HELZ: variants seen among roughly 807,000 people sequenced by gnomAD.
The protein encoded by HELZ is helicase with zinc finger.
Under a neutral mutation model 218.2 loss-of-function variants are expected in HELZ, and 23 were observed. The ratio of observed to expected loss-of-function variants is 0.11; its 90% CI spans 0.08 to 0.15. The LOEUF (loss-of-function observed/expected upper bound fraction) is 0.15, where lower values mean the gene tolerates loss of function less well. HELZ is among the 10% of genes least tolerant of loss of function. The probability of loss-of-function intolerance (pLI) is 1.00; values close to 1 mark genes in which losing one functional copy is unlikely to be tolerated. For synonymous variants in HELZ, 814 were observed against 829.4 expected, an observed-to-expected ratio of 0.98 and a Z score of 0.32; for missense variants, 1,813 against 2,353.7, an observed-to-expected ratio of 0.77 and a Z score of 4.75.
In HELZ at chr17:67,188,714, C is replaced by A; in HGVS notation, c.865-98G>T. 1 of 892,816 alleles carries A rather than the reference C, an allele frequency of 1.1e-6. No homozygotes were observed. Among genetic ancestry groups the A allele is most frequent in the Non-Finnish European group, 1.7e-6 (1 of 586,462 alleles). The allele number at this position is 892,816 out of a possible 1,614,324, so 55.3% of individuals were successfully genotyped here. The stretch of plus-strand genomic sequence containing the variant: ...AAAATATTTCCATAAGGGACTTTTA[C>A]TTCCCCAAGCTTCTAAGATACTATA... On this transcript the variant is annotated intron_variant, in intron 11 of 32. Coordinates refer to ENST00000358691, the MANE Select transcript of HELZ (RefSeq NM_014877.4). This position sits in a 1 kb window ranked among gnomAD's most constrained non-coding sequence, Gnocchi z 4.1.
At chr17:67,191,932 A>G (rs927283132) in intron 9 of HELZ, among the ~76,000 whole-genome samples, 1 of 151,900 alleles carries the variant, frequency 6.6e-6, no homozygotes, top group Admixed American at 6.6e-5. Context: ...GGCCGGGCAC[A>G]GTGGCTCACG....
At position 67,075,468 on chromosome 17, in the gene HELZ, G is replaced by A. The variant is rs915274623; in HGVS notation, c.*2784C>T. On this transcript the variant is annotated 3_prime_UTR_variant, in exon 33 of 33. Transcript: ENST00000358691. ...CTATACATATATATGCATATATAAG[G>A]GTTGAACCTAGCATATAAGTTATGT... 1 of 151,990 alleles carries A rather than the reference G, an allele frequency of 6.6e-6. No homozygotes were observed. The highest frequency in any genetic ancestry group is 2.4e-5 in the African/African-American group (1 of 41,384). 9.4% of individuals were successfully genotyped at this position (151,990 alleles called of 1,614,324 possible). A position where few individuals can be genotyped will look rare whatever the true frequency, so the allele number is the denominator to read the frequency against.
In HELZ at chr17:67,086,694, A is replaced by G. The variant is rs1304346279; in HGVS notation, c.5494+135T>C. 3 of 595,394 alleles carry G rather than the reference A, an allele frequency of 5.0e-6. No homozygotes were observed. The East Asian group carries it at 9.5e-5, about 19-fold the overall frequency. 36.9% of individuals were successfully genotyped at this position (595,394 alleles called of 1,614,324 possible). On this transcript the variant is annotated intron_variant, in intron 32 of 32. Coordinates refer to ENST00000358691, the MANE Select transcript of HELZ (RefSeq NM_014877.4). The stretch of plus-strand genomic sequence containing the variant: ...CAATATAGTCCTAAATTGCACACCT[A>G]TGAGCTATTAGCATCATTAAATATT...
chr17:67,198,386 A>G (rs1228832858), intron 7 of HELZ, among the ~76,000 whole-genome samples: 1 of 152,214 alleles, frequency 6.6e-6, no homozygotes, highest in Non-Finnish European at 1.5e-5. Flanking sequence ...CTCAGCAGAG[A>G]ACTGGTAAAG....
chr17:67,188,271 T>C lies in HELZ; in HGVS notation c.1162+48A>G, dbSNP rs1487017860. 20 of 1,511,470 alleles carry C rather than the reference T, an allele frequency of 1.3e-5. No homozygotes were observed. The highest frequency in any genetic ancestry group is 1.8e-5 in the Non-Finnish European group (20 of 1,108,700). The allele number at this position is 1,511,470 out of a possible 1,614,324, so 93.6% of individuals were successfully genotyped here. A position where few individuals can be genotyped will look rare whatever the true frequency, so the allele number is the denominator to read the frequency against. On this transcript the variant is annotated intron_variant, in intron 12 of 32. Transcript: ENST00000358691. This position sits in a 1 kb window ranked among gnomAD's most constrained non-coding sequence, Gnocchi z 4.1. ...TCAGGGGCCAATACATATCTTTGAA[T>C]GTTGCTTTTTAACACATTGTATCGG...
At chr17:67,213,964 G>A (rs192962128) in intron 5 of HELZ, among the ~76,000 whole-genome samples, 12 of 152,242 alleles carry the variant, frequency 7.9e-5, no homozygotes, top group Admixed American at 3.9e-4. Context: ...AAAACTCTAC[G>A]TATTATAAGC....
chr17:67,148,356 G>GT (rs1169685299), intron 20 of HELZ, among the ~76,000 whole-genome samples: 13 of 152,278 alleles, frequency 8.5e-5, no homozygotes, highest in African/African-American at 2.4e-4. Context: ...TGATTTCAGA[G>GT]TTTTTCCCAA....
At chr17:67,217,958 G>C (rs376478416) in intron 4 of HELZ, among the ~76,000 whole-genome samples, 3 of 146,666 alleles carry the variant, frequency 2.0e-5, no homozygotes, top group East Asian at 4.0e-4. Context: ...ACGGAGTCTC[G>C]GAGTCTCGCC....
rs755397119 is a variant in HELZ at position 67,218,820 on chromosome 17, A to G, written c.-16T>C. ...TGTCTTCCATGACTCAGGGACAAAAATCCTACAGACAGGGAGAAAGAACAA... is the reference window on the plus strand; with the variant it reads ...TGTCTTCCATGACTCAGGGACAAAAGTCCTACAGACAGGGAGAAAGAACAA... On this transcript the variant is annotated splice_region_variant and 5_prime_UTR_variant, in exon 4 of 33. Transcript: ENST00000358691. 1 of 1,610,374 alleles carries G rather than the reference A, an allele frequency of 6.2e-7. No homozygotes were observed. Among genetic ancestry groups the G allele is most frequent in the African/African-American group, 1.3e-5 (1 of 74,864 alleles).
Position 67,160,307 on chromosome 17 carries a change from A to G in HELZ, c.2131T>C (p.Leu711=), listed in dbSNP as rs768518134. ...SAADLYIKDY[L]HPYVEAGNPQ... The stretch of plus-strand genomic sequence containing the variant: ...TTGCCTGCTTCTACATATGGATGTA[A>G]ATAATCCTTTATGTAGAGATCAGCA... Residue 711 remains leucine, a synonymous_variant, in exon 17 of 33, where the codon TTA becomes CTA. Coordinates refer to ENST00000358691, the MANE Select transcript of HELZ (RefSeq NM_014877.4). The G allele has an allele frequency of 6.2e-7, 1 of 1,612,942 alleles. No homozygotes were observed. Among genetic ancestry groups the G allele is most frequent in the Admixed American group, 1.7e-5 (1 of 60,010 alleles).
In HELZ at chr17:67,077,719, C is replaced by CA. The variant is rs57572316; in HGVS notation, c.*532dup. On this transcript the variant is annotated 3_prime_UTR_variant, in exon 33 of 33. Coordinates refer to ENST00000358691, the MANE Select transcript of HELZ (RefSeq NM_014877.4). ...GTTTTAGAATGCAGCATCGTGTCAC[C>CA]AAAAAAAAAAAAAAAGCTGATAAAA... The CA allele has an allele frequency of 0.33, 43,836 of 131,778 alleles. 7,735 individuals are homozygous for CA. Among genetic ancestry groups the CA allele is most frequent in the East Asian group, 0.69 (3,306 of 4,786 alleles). The allele number at this position is 131,778 out of a possible 1,614,324, so 8.2% of individuals were successfully genotyped here.
intron 13 of HELZ, among the ~76,000 whole-genome samples, chr17:67,176,981 CTT>C (rs113989752): frequency 1.3e-3 from 187 of 142,818 alleles, no homozygotes; most frequent in African/African-American, 2.2e-3. Context: ...TTCAGTTTCT[CTT>C]TTTTTTTTTT....
rs1173054432 is a variant in HELZ at position 67,197,977 on chromosome 17, TA to T, written c.430-2508del. On this transcript the variant is annotated intron_variant, in intron 7 of 32. Transcript: ENST00000358691. The stretch of plus-strand genomic sequence containing the variant: ...TAGCATTCTACGCTGCAAAAAAAAT[TA>T]AAAAAAAGCCATTAAAAGATCTCTT... 2.6e-5 allele frequency among the ~76,000 whole-genome samples: 4 copies of T among 151,860 alleles called. No homozygotes were observed. In the South Asian group the frequency reaches 6.2e-4, roughly 24 times the overall value.
At chr17:67,167,031 T>C (rs931483762) in intron 14 of HELZ, among the ~76,000 whole-genome samples, 3 of 152,190 alleles carry the variant, frequency 2.0e-5, no homozygotes, top group African/African-American at 7.2e-5. Context: ...TTACAATTAA[T>C]AAATAATGTT....
At chr17:67,098,232 C>T (rs1324307452) in intron 31 of HELZ, among the ~76,000 whole-genome samples, 1 of 152,114 alleles carries the variant, frequency 6.6e-6, no homozygotes, top group Non-Finnish European at 1.5e-5. Context: ...GCTTCAGAAA[C>T]AGCATGGGAC....
In HELZ at chr17:67,215,981, C is replaced by A. The variant is rs1418949693; in HGVS notation, c.211-46G>T. The A allele has an allele frequency of 4.6e-6, 5 of 1,093,796 alleles. No individual in the cohort carries two copies. In the East Asian group the frequency reaches 1.2e-4, roughly 26 times the overall value. 67.8% of individuals were successfully genotyped at this position (1,093,796 alleles called of 1,614,324 possible). A position where few individuals can be genotyped will look rare whatever the true frequency, so the allele number is the denominator to read the frequency against. On this transcript the variant is annotated intron_variant, in intron 4 of 32. Coordinates refer to ENST00000358691, the MANE Select transcript of HELZ (RefSeq NM_014877.4). ...ATAAAATTAAGTATTTCAAGAGCTG[C>A]TTTTAACAGAGATGTTGTCAAAGGG...
chr17:67,095,807 G>C (rs1026480302), intron 31 of HELZ, among the ~76,000 whole-genome samples: 2 of 152,252 alleles, frequency 1.3e-5, no homozygotes, highest in South Asian at 4.1e-4. Flanking sequence ...TAGCAATACA[G>C]TATATATTTT....
intron 13 of HELZ, among the ~76,000 whole-genome samples, chr17:67,172,112 T>C (rs1418032604): frequency 1.3e-5 from 2 of 152,146 alleles, no homozygotes; most frequent in Non-Finnish European, 2.9e-5. Flanking sequence ...GGACTACAGG[T>C]GTGAGCCACC....
rs116714816 is a variant in HELZ at position 67,189,905 on chromosome 17, A to T, written c.757-209T>A. On this transcript the variant is annotated intron_variant, in intron 10 of 32. Coordinates refer to ENST00000358691, the MANE Select transcript of HELZ (RefSeq NM_014877.4). ...AGAAAAGAAAATTAACCACCACCACAAAAATGGCACTCAAAAACTGCCTGA... is the reference window on the plus strand; with the variant it reads ...AGAAAAGAAAATTAACCACCACCACTAAAATGGCACTCAAAAACTGCCTGA... Among the ~76,000 whole-genome samples, 1,162 of 152,316 alleles carry T rather than the reference A, an allele frequency of 7.6e-3. 20 individuals are homozygous for T. Among genetic ancestry groups the T allele is most frequent in the African/African-American group, 0.026 (1,068 of 41,556 alleles).
Sources: allele counts gnomAD v4.1 joint callset (sites outside exome capture counted in the v4.1 genomes callset), GRCh38; gene constraint gnomAD v4.1.1; non-coding constraint Gnocchi (gnomAD v3.1); transcripts MANE v1.5; gene names NCBI Gene and HGNC (gene_info 2026-07-23, HGNC 2026-07-21).